Variants in CDH13 observed in about 807,000 individuals in gnomAD.
CDH13 encodes the protein cadherin 13, also known as cadherin-13.
Under a neutral mutation model 63.8 loss-of-function variants are expected in CDH13, and 24 were observed. The observed-to-expected ratio is 0.38, with a 90% CI of 0.27 to 0.53. CDH13 has a LOEUF of 0.53. Ranked by LOEUF, CDH13 falls within the 20% of genes least tolerant of loss-of-function variation. The probability of loss-of-function intolerance (pLI) is 0.85; values close to 1 mark genes in which losing one functional copy is unlikely to be tolerated. For missense variants in CDH13, 1,049 were observed against 903.1 expected (o/e 1.16, Z -2.07); for synonymous variants, 503 against 355.3 (o/e 1.42, Z -4.67).
chr16:82,627,142 GGAA>G lies in CDH13; in HGVS notation c.45+8_45+10del, dbSNP rs1567568572. 6.2e-7 allele frequency: 1 copy of G among 1,605,630 alleles called. No individual in the cohort carries two copies. Among genetic ancestry groups the G allele is most frequent in the Non-Finnish European group, 8.5e-7 (1 of 1,176,368 alleles). ...CTGTGCGTTCTCCTGTCCCAGGTAGGGAAGAGGGGCTGCCGGGCGCGCTCTGCG... is the reference window on the plus strand; with the variant it reads ...CTGTGCGTTCTCCTGTCCCAGGTAGGGAGGGGCTGCCGGGCGCGCTCTGCG... On this transcript the variant is annotated splice_donor_region_variant and intron_variant, in intron 1 of 13. Coordinates refer to ENST00000567109, the MANE Select transcript of CDH13 (RefSeq NM_001257.5).
intron 10 of CDH13, among the ~76,000 whole-genome samples, chr16:83,707,328 A>T (rs1054434935): frequency 9.2e-5 from 14 of 152,124 alleles, no homozygotes; most frequent in African/African-American, 3.1e-4. Flanking sequence ...ATTCTATTTT[A>T]TAACTTTCTT....
chr16:83,686,323 C>A (rs1327984837), intron 10 of CDH13, among the ~76,000 whole-genome samples: 1 of 152,204 alleles, frequency 6.6e-6, no homozygotes, highest in Admixed American at 6.5e-5. Context: ...TTATCTCCTT[C>A]CCTAATGAGC....
At chr16:83,137,020 C>T (rs991215981) in intron 4 of CDH13, among the ~76,000 whole-genome samples, 3 of 152,306 alleles carry the variant, frequency 2.0e-5, no homozygotes, top group Non-Finnish European at 2.9e-5. Context: ...GACTTCAGCA[C>T]GGCACTGGCC....
intron 1 of CDH13, among the ~76,000 whole-genome samples, chr16:82,655,596 G>A (rs955039534): frequency 6.6e-6 from 1 of 152,162 alleles, no homozygotes; most frequent in Non-Finnish European, 1.5e-5. Flanking sequence ...TGGTGGGGTT[G>A]GGGGAGGGCA....
chr16:83,573,612 C>A (rs1437397224), intron 7 of CDH13, among the ~76,000 whole-genome samples: 2 of 152,114 alleles, frequency 1.3e-5, no homozygotes, highest in African/African-American at 2.4e-5. Context: ...ATAATTGATA[C>A]AATTTGCCAT....
intron 6 of CDH13, among the ~76,000 whole-genome samples, chr16:83,393,044 C>A (rs1303911967): frequency 6.6e-6 from 1 of 151,988 alleles, no homozygotes; most frequent in Non-Finnish European, 1.5e-5. Flanking sequence ...TTTCAAGGGC[C>A]AGAGACAGTT....
In CDH13 at chr16:83,423,493, T is replaced by TAA. The variant is rs35646257; in HGVS notation, c.782-62974_782-62973dup. ...CACAGAGGGTATCCCTGACAGCATT[T>TAA]AAAAAAAAAAAGCAAGCAAGAAAAA... On this transcript the variant is annotated intron_variant, in intron 6 of 13. Coordinates refer to ENST00000567109, the MANE Select transcript of CDH13 (RefSeq NM_001257.5). Among the ~76,000 whole-genome samples, 13 of 146,440 alleles carry TAA rather than the reference T, an allele frequency of 8.9e-5. 1 individual carries two copies. The highest frequency in any genetic ancestry group is 1.1e-4 in the Non-Finnish European group (7 of 66,574).
chr16:82,852,542 G>C (rs1046519081), intron 1 of CDH13, among the ~76,000 whole-genome samples: 1 of 152,192 alleles, frequency 6.6e-6, no homozygotes, highest in African/African-American at 2.4e-5. Flanking sequence ...TATTCTGTTG[G>C]CCAGTGCTTA....
rs554294902 is a variant in CDH13 at position 83,759,145 on chromosome 16, A to G, written c.1681+10895A>G. ...CACTACCGTACATATATCCAGACGT[A>G]TTAGAAAACCATAGTAATTGAAACC... is the stretch of plus-strand genomic sequence containing the variant. On this transcript the variant is annotated intron_variant, in intron 11 of 13. Transcript: ENST00000567109. 6.1e-4 allele frequency among the ~76,000 whole-genome samples: 93 copies of G among 152,362 alleles called. 1 individual carries two copies. In the South Asian group the frequency reaches 7.7e-3, roughly 13 times the overall value.
chr16:83,036,638 G>C (rs1389764896), intron 3 of CDH13, among the ~76,000 whole-genome samples: 1 of 152,092 alleles, frequency 6.6e-6, no homozygotes, highest in Non-Finnish European at 1.5e-5. Context: ...GAACCTGATA[G>C]AACACTCCTG....
rs555826557 is a variant in CDH13 at position 83,061,747 on chromosome 16, C to T, written c.366+29529C>T. On this transcript the variant is annotated intron_variant, in intron 3 of 13. Transcript: ENST00000567109. ...AAATATATGAAATGAGTAGAAAGAA[C>T]AAAAATAAAGAAGCCTCACCCCAGA... is the stretch of plus-strand genomic sequence containing the variant. 2.1e-4 allele frequency among the ~76,000 whole-genome samples: 32 copies of T among 152,254 alleles called. No homozygotes were observed. The East Asian group carries it at 4.1e-3, about 19-fold the overall frequency.
chr16:82,661,718 A>G (rs190331474), intron 1 of CDH13, among the ~76,000 whole-genome samples: 248 of 152,356 alleles, frequency 1.6e-3, no homozygotes, highest in African/African-American at 5.7e-3. Context: ...ATGAATGTAC[A>G]TTGTAGGAAC....
At chr16:83,645,055 C>G (rs755908079) in intron 8 of CDH13, among the ~76,000 whole-genome samples, 104 of 152,210 alleles carry the variant, frequency 6.8e-4, no homozygotes, top group Non-Finnish European at 1.2e-3. Flanking sequence ...CCCAAATCCT[C>G]TAACCACCCT....
intron 6 of CDH13, among the ~76,000 whole-genome samples, chr16:83,378,622 G>T (rs1161408454): frequency 1.3e-5 from 2 of 152,104 alleles, no homozygotes; most frequent in Non-Finnish European, 2.9e-5. Context: ...TCCAGTTATT[G>T]CTGGACTGGA....
intron 2 of CDH13, among the ~76,000 whole-genome samples, chr16:82,975,989 A>G (rs965092917): frequency 6.6e-6 from 1 of 152,242 alleles, no homozygotes; most frequent in Non-Finnish European, 1.5e-5. Context: ...CAGGGATTGC[A>G]TAAACGACGG....
chr16:83,265,005 G>A (rs142309344), intron 5 of CDH13, among the ~76,000 whole-genome samples: 1 of 151,934 alleles, frequency 6.6e-6, no homozygotes, highest in Non-Finnish European at 1.5e-5. Flanking sequence ...GTTTTTCCAG[G>A]TGTTAATAAT....
chr16:82,985,768 C>T (rs1341264562), intron 2 of CDH13, among the ~76,000 whole-genome samples: 1 of 152,138 alleles, frequency 6.6e-6, no homozygotes, highest in African/African-American at 2.4e-5. Context: ...GTGACTGGAG[C>T]ATGGGGACAG....
intron 5 of CDH13, among the ~76,000 whole-genome samples, chr16:83,339,352 G>A (rs1325531653): frequency 6.6e-6 from 1 of 152,090 alleles, no homozygotes; most frequent in Non-Finnish European, 1.5e-5. Context: ...TGCCTCCAAT[G>A]ATGTCAATAA....
rs151117388 is a variant in CDH13, at chr16:83,503,650, C to T, written c.960+16995C>T. 2.7e-3 allele frequency among the ~76,000 whole-genome samples: 407 copies of T among 152,222 alleles called. 2 individuals are homozygous for T. Among genetic ancestry groups the T allele is most frequent in the Non-Finnish European group, 2.2e-3 (153 of 68,020 alleles). The stretch of plus-strand genomic sequence containing the variant: ...ATAGGAAAAGATGCTTGACCAGTGA[C>T]GATGAGCTTTTTTCCAAATGTTTTT... On this transcript the variant is annotated intron_variant, in intron 7 of 13. Transcript: ENST00000567109.
Sources: allele counts gnomAD v4.1 joint callset (sites outside exome capture counted in the v4.1 genomes callset), GRCh38; gene constraint gnomAD v4.1.1; transcripts MANE v1.5; gene names NCBI Gene and HGNC (gene_info 2026-07-23, HGNC 2026-07-21).